KLHL25: variants seen among roughly 807,000 people sequenced by gnomAD.
The protein encoded by KLHL25 is kelch-like protein 25.
KLHL25 carries 41 observed loss-of-function variants against 30.0 expected under a neutral mutation model. The ratio of observed to expected loss-of-function variants is 1.37; its 90% CI spans 1.07 to 1.78. The LOEUF is 1.78. Ranked by LOEUF, KLHL25 falls within the 40% of genes most tolerant of loss-of-function variation. KLHL25 has a pLI of 0.00. For synonymous variants in KLHL25, 399 were observed against 355.3 expected (o/e 1.12, Z -1.38); for missense variants, 971 against 824.5 (o/e 1.18, Z -2.18).
chr15:85,771,813 T>C (rs1597275200), intron 1 of KLHL25, among the ~76,000 whole-genome samples: 1 of 152,334 alleles, frequency 6.6e-6, no homozygotes, highest in East Asian at 1.9e-4. Context: ...TATTTTCTTG[T>C]AAAGTGAGAT....
chr15:85,789,456 C>A lies in KLHL25; in HGVS notation c.-11+5310G>T, dbSNP rs1220063323. On this transcript the variant is annotated intron_variant, in intron 1 of 2. Transcript: ENST00000337975. This position sits in a 1 kb window ranked among gnomAD's most constrained non-coding sequence, Gnocchi z 4.1. ...AGTGCCATGGCGCGATCTCGGCTTA[C>A]TGCAACTTCTGCCTCCGGGGTTCAA... Among the ~76,000 whole-genome samples the A allele has an allele frequency of 6.6e-6, 1 of 152,020 alleles. No homozygotes were observed. The highest frequency in any genetic ancestry group is 1.5e-5 in the Non-Finnish European group (1 of 68,014).
intron 1 of KLHL25, among the ~76,000 whole-genome samples, chr15:85,780,480 C>T (rs1281336466): frequency 6.6e-6 from 1 of 152,228 alleles, no homozygotes; most frequent in African/African-American, 2.4e-5. Context: ...TGTCTCTCTT[C>T]CTGTCTGGTC....
Position 85,794,803 on chromosome 15 carries a change from G to C in KLHL25, c.-48C>G, listed in dbSNP as rs1232240443. The C allele has an allele frequency of 6.5e-6, 1 of 152,722 alleles. No individual in the cohort carries two copies. The highest frequency in any genetic ancestry group is 1.5e-5 in the Non-Finnish European group (1 of 68,348). The allele number at this position is 152,722 out of a possible 1,614,324, so 9.5% of individuals were successfully genotyped here. ...TCCCCGCCGCCGCCGCCGCCTCAGA[G>C]ACCACTCCCGGCAGCCCGCGCGAGC... is the stretch of plus-strand genomic sequence containing the variant. On this transcript the variant is annotated 5_prime_UTR_variant, in exon 1 of 3. Coordinates refer to ENST00000337975, the MANE Select transcript of KLHL25 (RefSeq NM_022480.4).
chr15:85,787,519 A>G (rs372600515), intron 1 of KLHL25, among the ~76,000 whole-genome samples: 2 of 152,254 alleles, frequency 1.3e-5, no homozygotes, highest in Non-Finnish European at 2.9e-5. Flanking sequence ...TAAACTGGGT[A>G]AATCTTTGCA....
At position 85,769,023 on chromosome 15, in the gene KLHL25, T is replaced by C. The variant is rs779135834; in HGVS notation, c.788A>G (p.Lys263Arg). 5 of 1,610,226 alleles carry C rather than the reference T, an allele frequency of 3.1e-6. No individual in the cohort carries two copies. In the African/African-American group the frequency reaches 5.3e-5, roughly 17 times the overall value. ...GCGCAGGGCCTCATCCATGATAAGC[T>C]TGGTGCGCTCGTCTGCCATGAGGAG... is the stretch of plus-strand genomic sequence containing the variant. Reference protein sequence around the residue: ...EALLMADERTKLIMDEALRCK... With the variant: ...EALLMADERTRLIMDEALRCK... The change falls in exon 2 of 3, where the codon AAG becomes AGG. Residue 263 changes from lysine to arginine, a missense_variant. Coordinates refer to ENST00000337975, the MANE Select transcript of KLHL25 (RefSeq NM_022480.4).
chr15:85,784,497 C>G (rs1406672814), intron 1 of KLHL25, among the ~76,000 whole-genome samples: 1 of 151,792 alleles, frequency 6.6e-6, no homozygotes, highest in Non-Finnish European at 1.5e-5. Context: ...CTCTACTGCA[C>G]TCAGCCCAGG....
chr15:85,770,704 G>C, intron 1 of KLHL25: 3 of 379,020 alleles, frequency 7.9e-6, no homozygotes, highest in South Asian at 5.8e-5. Flanking sequence ...GCAAAGCAGA[G>C]AAACACGAAG....
intron 1 of KLHL25, among the ~76,000 whole-genome samples, chr15:85,786,034 A>T (rs925214515): frequency 7.4e-6 from 1 of 135,834 alleles, no homozygotes; most frequent in Admixed American, 9.0e-5. Context: ...TCTCTTAATG[A>T]AACACCCAAC....
At chr15:85,772,505 G>T (rs2089683017) in intron 1 of KLHL25, among the ~76,000 whole-genome samples, 1 of 152,214 alleles carries the variant, frequency 6.6e-6, no homozygotes, top group African/African-American at 2.4e-5. Context: ...TCTTCTTACA[G>T]ACAGCCCCAG....
At chr15:85,791,633 T>G in intron 1 of KLHL25, among the ~76,000 whole-genome samples, 1 of 148,584 alleles carries the variant, frequency 6.7e-6, no homozygotes, top group African/African-American at 2.5e-5. Flanking sequence ...GGGGGTGAGG[T>G]GACTGGGGAC....
rs2089577763 is a variant in KLHL25, at chr15:85,760,937, G to C, written c.*99C>G. ...GGCAGGGCCCCTTCCACCTCTCGGAGTGCTGGCCCAGGGCCGGCTTAGCTC... is the reference window on the plus strand; with the variant it reads ...GGCAGGGCCCCTTCCACCTCTCGGACTGCTGGCCCAGGGCCGGCTTAGCTC... On this transcript the variant is annotated 3_prime_UTR_variant, in exon 3 of 3. Transcript: ENST00000337975. 6.6e-6 allele frequency: 1 copy of C among 152,412 alleles called. No individual in the cohort carries two copies. The highest frequency in any genetic ancestry group is 6.5e-5 in the Admixed American group (1 of 15,292). The allele number at this position is 152,412 out of a possible 1,614,324, so 9.4% of individuals were successfully genotyped here. A position where few individuals can be genotyped will look rare whatever the true frequency, so the allele number is the denominator to read the frequency against.
intron 1 of KLHL25, among the ~76,000 whole-genome samples, chr15:85,779,697 C>G (rs1480375958): frequency 6.6e-6 from 1 of 152,200 alleles, no homozygotes; most frequent in East Asian, 1.9e-4. Flanking sequence ...ATTCTGCCCT[C>G]ACTACTGAAC....
rs762124349 is a variant in KLHL25 at position 85,769,287 on chromosome 15, T to C, written c.524A>G (p.His175Arg). 4.3e-6 allele frequency: 7 copies of C among 1,613,982 alleles called. No homozygotes were observed. The South Asian group carries it at 7.7e-5, about 18-fold the overall frequency. ...YEFSWRMCLVHFETVRQSEDF... is the reference protein window; with the variant it reads ...YEFSWRMCLVRFETVRQSEDF... Reference sequence around the variant, plus strand: ...CTCGCTCTGCCTCACCGTCTCAAAGTGCACCAGGCACATGCGCCAGGAGAA... The same window carrying C: ...CTCGCTCTGCCTCACCGTCTCAAAGCGCACCAGGCACATGCGCCAGGAGAA... Residue 175 changes from histidine to arginine, a missense_variant, in exon 2 of 3, where the codon CAC becomes CGC. Coordinates refer to ENST00000337975, the MANE Select transcript of KLHL25 (RefSeq NM_022480.4).
chr15:85,781,229 G>C (rs1479825836), intron 1 of KLHL25, among the ~76,000 whole-genome samples: 2 of 152,190 alleles, frequency 1.3e-5, no homozygotes, highest in Non-Finnish European at 2.9e-5. Context: ...TTTGTACTCA[G>C]TGGCATTCCC....
chr15:85,768,278 A>C lies in KLHL25; in HGVS notation c.1533T>G (p.Phe511Leu). 6.2e-7 allele frequency: 1 copy of C among 1,614,106 alleles called. No individual in the cohort carries two copies. The highest frequency in any genetic ancestry group is 8.5e-7 in the Non-Finnish European group (1 of 1,180,032). Residue 511 changes from phenylalanine (F) to leucine (L), a missense_variant, in exon 2 of 3, where the codon TTT (phenylalanine) becomes TTG (leucine). Physicochemically the swap from Phe to Leu is conservative, Grantham distance 22. Coordinates refer to ENST00000337975, the MANE Select transcript of KLHL25 (RefSeq NM_022480.4). ...GCGTCCACTGGTTGGTCTCACAGTC[A>C]AAGCGGTAGGCCGAGGCGGCTGTGA... ...TEFTAASAYR[F>L]DCETNQWTRI... is the part of the protein sequence containing the mutation.
rs1260204515 is a variant in KLHL25, at chr15:85,789,508, G to C, written c.-11+5258C>G. On this transcript the variant is annotated intron_variant, in intron 1 of 2. Coordinates refer to ENST00000337975, the MANE Select transcript of KLHL25 (RefSeq NM_022480.4). The surrounding 1 kb of genome is among the most constrained non-coding windows in gnomAD (Gnocchi z 4.1). ...CGATTCTCCTGTCTCAGCCTCCCAA[G>C]TAGCTGGAATTATAGGCGCCTGCCA... 6.6e-6 allele frequency among the ~76,000 whole-genome samples: 1 copy of C among 152,076 alleles called. No individual in the cohort carries two copies. The highest frequency in any genetic ancestry group is 2.4e-5 in the African/African-American group (1 of 41,386).
chr15:85,769,458 T>TCAG lies in KLHL25; in HGVS notation c.350_352dup (p.Ala117dup). ...CATGTCGCCTGCCTCCAGCAGTGAC[T>TCAG]CAGCGTTCTCCTCGTTGATGGCGAT... On this transcript the variant is annotated inframe_insertion, in exon 2 of 3. Coordinates refer to ENST00000337975, the MANE Select transcript of KLHL25 (RefSeq NM_022480.4). The TCAG allele has an allele frequency of 6.2e-7, 1 of 1,614,034 alleles. No individual in the cohort carries two copies. The highest frequency in any genetic ancestry group is 8.5e-7 in the Non-Finnish European group (1 of 1,180,018).
chr15:85,769,719 C>T lies in KLHL25; in HGVS notation c.92G>A (p.Cys31Tyr), dbSNP rs764621391. 2 of 1,613,992 alleles carry T rather than the reference C, an allele frequency of 1.2e-6. No homozygotes were observed. Among genetic ancestry groups the T allele is most frequent in the South Asian group, 2.2e-5 (2 of 91,090 alleles). The stretch of plus-strand genomic sequence containing the variant: ...AAGCGTGTTGAGGTGGGCCAGCACA[C>T]AGTCCGGGTGGGAGGCCTTGTGGAA... ...TLFHKASHPD[C>Y]VLAHLNTLRK... is the part of the protein sequence containing the mutation. Residue 31 changes from cysteine to tyrosine, a missense_variant, in exon 2 of 3, where the codon TGT becomes TAT. Cys to Tyr is a radical substitution (Grantham distance 194, BLOSUM62 -2). Transcript: ENST00000337975.
chr15:85,784,721 G>T (rs1463150808), intron 1 of KLHL25, among the ~76,000 whole-genome samples: 3 of 152,080 alleles, frequency 2.0e-5, no homozygotes, highest in African/African-American at 7.2e-5. Context: ...CGACCATAAG[G>T]AACTCGATTC....
Sources: gnomAD v4.1 joint callset for allele counts (sites outside exome capture counted in the v4.1 genomes callset) on GRCh38, gnomAD v4.1.1 for gene constraint, Gnocchi (gnomAD v3.1) non-coding constraint, MANE v1.5 for transcripts, NCBI Gene and HGNC (gene_info 2026-07-23, HGNC 2026-07-21) for gene names.